BTBD8: variants seen among roughly 807,000 people sequenced by gnomAD.
BTBD8 encodes the protein BTB domain containing 8, also known as BTB/POZ domain-containing protein 8.
BTBD8 carries 110 observed loss-of-function variants against 162.9 expected under a neutral mutation model. That is an observed-to-expected ratio of 0.68 (90% CI 0.58 to 0.79). The LOEUF is 0.79. Ranked by LOEUF, BTBD8 falls within the 30% of genes least tolerant of loss-of-function variation. BTBD8 has a pLI of 0.00. For synonymous variants in BTBD8, 667 were observed against 716.1 expected (o/e 0.93, Z 1.10); for missense variants, 1,905 against 2,085.4 (o/e 0.91, Z 1.68).
At chr1:92,140,614 A>G (rs2101940525) in intron 6 of BTBD8, among the ~76,000 whole-genome samples, 1 of 152,340 alleles carries the variant, frequency 6.6e-6, no homozygotes, top group Non-Finnish European at 1.5e-5. Flanking sequence ...TTAAGTACCT[A>G]AAGTATGTGT....
intron 3 of BTBD8, among the ~76,000 whole-genome samples, chr1:92,106,760 T>A (rs1648740501): frequency 6.8e-6 from 1 of 146,582 alleles, no homozygotes; most frequent in African/African-American, 2.5e-5. Flanking sequence ...TTAGGCAAGA[T>A]AGATAGTTCA....
intron 2 of BTBD8, among the ~76,000 whole-genome samples, chr1:92,098,250 T>C (rs1648503744): frequency 6.6e-6 from 1 of 152,194 alleles, no homozygotes; most frequent in Non-Finnish European, 1.5e-5. Flanking sequence ...TCTTTCAAGG[T>C]ATAGCAGTCA....
chr1:92,099,286 T>A (rs1457073267), intron 2 of BTBD8, among the ~76,000 whole-genome samples: 1 of 152,198 alleles, frequency 6.6e-6, no homozygotes, highest in Admixed American at 6.5e-5. Flanking sequence ...CAGTCTTGAT[T>A]ACTGTAGCTT....
chr1:92,125,885 T>C, intron 4 of BTBD8: 1 of 424,706 alleles, frequency 2.4e-6, no homozygotes, highest in Non-Finnish European at 4.7e-6. Context: ...TCTGTGTCAA[T>C]GATGAATGAG....
At chr1:92,164,239 C>T (rs944780874) in intron 9 of BTBD8, among the ~76,000 whole-genome samples, 3 of 152,118 alleles carry the variant, frequency 2.0e-5, no homozygotes, top group South Asian at 2.1e-4. Context: ...GTAATCCCAG[C>T]ACTTTGGGAG....
chr1:92,115,562 A>G (rs1649016597), intron 4 of BTBD8: 2 of 376,652 alleles, frequency 5.3e-6, no homozygotes, highest in Non-Finnish European at 5.2e-6. Context: ...TTTTGGTGGG[A>G]TCTCGCTCCT....
chr1:92,168,043 A>G (rs754583194), intron 11 of BTBD8, 58 bp downstream of exon 11: 52 of 1,428,096 alleles, frequency 3.6e-5, no homozygotes, highest in Non-Finnish European at 4.4e-5. Flanking sequence ...AGATTTTTAG[A>G]TGTATGTGCA....
chr1:92,145,451 G>T (rs1289049324), intron 7 of BTBD8, among the ~76,000 whole-genome samples: 2 of 152,174 alleles, frequency 1.3e-5, no homozygotes, highest in Admixed American at 6.5e-5. Context: ...TACACATTTA[G>T]AGACTAGATA....
intron 2 of BTBD8, among the ~76,000 whole-genome samples, chr1:92,095,828 G>A (rs746729402): frequency 1.3e-5 from 2 of 152,120 alleles, no homozygotes; most frequent in Non-Finnish European, 2.9e-5. Context: ...AAATAGTGCT[G>A]TTATCAATAA....
rs114661914 is a variant in BTBD8 at position 92,093,947 on chromosome 1, C to T, written c.347+5052C>T. 3.4e-3 allele frequency among the ~76,000 whole-genome samples: 518 copies of T among 152,320 alleles called. 2 individuals are homozygous for T. The highest frequency in any genetic ancestry group is 5.7e-3 in the Non-Finnish European group (388 of 68,026). On this transcript the variant is annotated intron_variant, in intron 2 of 17. Transcript: ENST00000636805. ...CATTAGAGAAAGGGAGACATTACAT[C>T]AATGATACCCTTTATTTGTTATCAT...
Position 92,128,666 on chromosome 1 carries a change from C to T in BTBD8, c.663-1021C>T, listed in dbSNP as rs149358833. Among the ~76,000 whole-genome samples, 1,372 of 151,822 alleles carry T rather than the reference C, an allele frequency of 9.0e-3. 17 individuals carry two copies. The highest frequency in any genetic ancestry group is 0.031 in the African/African-American group (1,288 of 41,392). On this transcript the variant is annotated intron_variant, in intron 4 of 17. Transcript: ENST00000636805. Reference sequence around the variant, plus strand: ...AACTCCCGACCTCAGGTGATCCACCCGCCTCGGCCTCCCAAAGTGCTGAGA... The same window carrying T: ...AACTCCCGACCTCAGGTGATCCACCTGCCTCGGCCTCCCAAAGTGCTGAGA...
At chr1:92,083,784 A>C (rs1259419072) in intron 1 of BTBD8, among the ~76,000 whole-genome samples, 1 of 152,194 alleles carries the variant, frequency 6.6e-6, no homozygotes, top group Non-Finnish European at 1.5e-5. Flanking sequence ...AGGGATACAT[A>C]ATGGCAGTGG....
intron 2 of BTBD8, among the ~76,000 whole-genome samples, chr1:92,098,281 T>G (rs1222254029): frequency 1.3e-5 from 2 of 152,218 alleles, no homozygotes; most frequent in African/African-American, 4.8e-5. Flanking sequence ...GTTACCTATT[T>G]TCCCCTACAT....
chr1:92,162,402 G>A (rs544172412), intron 9 of BTBD8, among the ~76,000 whole-genome samples: 7 of 152,350 alleles, frequency 4.6e-5, no homozygotes, highest in Admixed American at 3.9e-4. Context: ...ATATTTCATT[G>A]TTCTGTCTGT....
At position 92,177,073 on chromosome 1, in the gene BTBD8, GA is replaced by G. The variant is rs774107642; in HGVS notation, c.1886del (p.Asn629MetfsTer9). ...ATTACAAAAGAACTAAAAACTGGGGGAAAAAATGTTTCTGGAAAGCCCAAAA... is the reference window on the plus strand; with the variant it reads ...ATTACAAAAGAACTAAAAACTGGGGGAAAAATGTTTCTGGAAAGCCCAAAA... ...SKITKELKTG[G>X]KNVSGKPKTV... On this transcript the variant is annotated frameshift_variant, in exon 14 of 18. Transcript: ENST00000636805. LOFTEE classifies it high-confidence loss of function. 3 of 1,551,286 alleles carry G rather than the reference GA, an allele frequency of 1.9e-6. No individual in the cohort carries two copies. Among genetic ancestry groups the G allele is most frequent in the African/African-American group, 2.7e-5 (2 of 72,990 alleles).
At position 92,182,571 on chromosome 1, in the gene BTBD8, A is replaced by G. The variant is rs1180718071; in HGVS notation, c.4888A>G (p.Lys1630Glu). The G allele has an allele frequency of 6.6e-7, 1 of 1,508,092 alleles. No individual in the cohort carries two copies. Among genetic ancestry groups the G allele is most frequent in the Non-Finnish European group, 8.8e-7 (1 of 1,132,350 alleles). 93.4% of individuals were successfully genotyped at this position (1,508,092 alleles called of 1,614,324 possible). ...VKESHSTTTE[K>E]ANIALSAGDI... is the part of the protein sequence containing the mutation. Reference sequence around the variant, plus strand: ...AGAGAGCCATTCTACAACTACTGAAAAAGCTAATATTGCTTTATCTGCAGG... The same window carrying G: ...AGAGAGCCATTCTACAACTACTGAAGAAGCTAATATTGCTTTATCTGCAGG... The change falls in exon 17 of 18, where the codon AAA (lysine) becomes GAA (glutamate). Residue 1630 changes from lysine to glutamate, a missense_variant. Around this residue, in one of 3 missense-constraint regions of BTBD8, gnomAD observed 517 missense variants for 606.6 expected, o/e 0.85. Coordinates refer to ENST00000636805, the MANE Select transcript of BTBD8 (RefSeq NM_001376131.1).
chr1:92,085,829 G>A (rs1308145765), intron 1 of BTBD8, among the ~76,000 whole-genome samples: 2 of 152,264 alleles, frequency 1.3e-5, no homozygotes, highest in South Asian at 2.1e-4. Context: ...GTGTTGGGGT[G>A]ATCAGACCCA....
Position 92,088,826 on chromosome 1 carries a change from A to G in BTBD8, c.278A>G (p.Asn93Ser), listed in dbSNP as rs1265975021. Residue 93 changes from asparagine (N) to serine (S), a missense_variant, in exon 2 of 18, where the codon AAT becomes AGT. Physicochemically the swap from Asn to Ser is conservative, Grantham distance 46. Around this residue, in one of 3 missense-constraint regions of BTBD8, gnomAD observed 1,374 missense variants for 1,442.7 expected, o/e 0.95. Coordinates refer to ENST00000636805, the MANE Select transcript of BTBD8 (RefSeq NM_001376131.1). ...TTTCATACTATTGGACAGACATCAA[A>G]TAGTTTAACAAATCAGGAGCCTATT... ...FYFHTIGQTS[N>S]SLTNQEPIAV... 6.2e-6 allele frequency: 10 copies of G among 1,613,216 alleles called. No individual in the cohort carries two copies. In the East Asian group the frequency reaches 2.0e-4, roughly 32 times the overall value.
intron 7 of BTBD8, 43 bp downstream of exon 7, chr1:92,141,254 AC>A (rs766170615): frequency 8.5e-6 from 13 of 1,530,726 alleles, no homozygotes. Context: ...GTGCATTGTC[AC>A]CCATTATTAC....
Sources: gnomAD v4.1 joint callset for allele counts (sites outside exome capture counted in the v4.1 genomes callset) on GRCh38, gnomAD v4.1.1 for gene constraint, gnomAD v4.1.1 regional missense constraint, MANE v1.5 for transcripts, NCBI Gene and HGNC (gene_info 2026-07-23, HGNC 2026-07-21) for gene names.